AK3: variants seen among roughly 807,000 people sequenced by gnomAD.
The protein encoded by AK3 is GTP:AMP phosphotransferase AK3, mitochondrial.
A neutral mutation model predicts 23.7 loss-of-function variants in AK3; 27 were observed. That is an observed-to-expected ratio of 1.14 (90% CI 0.84 to 1.57). The LOEUF (loss-of-function observed/expected upper bound fraction) is 1.57. AK3 is among the 40% of genes most tolerant of loss of function. The pLI is 0.00. For synonymous variants in AK3, 159 were observed against 116.0 expected (o/e 1.37, Z -2.38); for missense variants, 406 against 285.6 (o/e 1.42, Z -3.04).
Position 4,711,374 on chromosome 9 carries a change from C to T in AK3, c.*1602G>A, listed in dbSNP as rs2130863312. ...GTATTTCACAACATTTTTTAGAAAG[C>T]ACATAAGATTAACATTCAAATAAGG... On this transcript the variant is annotated 3_prime_UTR_variant, in exon 5 of 5. Coordinates refer to ENST00000381809, the MANE Select transcript of AK3 (RefSeq NM_016282.4). The T allele has an allele frequency of 6.6e-6, 1 of 152,644 alleles. No homozygotes were observed. The highest frequency in any genetic ancestry group is 1.9e-4 in the East Asian group (1 of 5,190). 9.5% of individuals were successfully genotyped at this position (152,644 alleles called of 1,614,324 possible).
rs149315983 is a variant in AK3, at chr9:4,731,187, G to A, written c.152-8562C>T. ...GTTACATGGGTGAACTTGTGTCATG[G>A]GGGTTTGTTGTACAGATTATTTCAT... On this transcript the variant is annotated intron_variant, in intron 1 of 4. Transcript: ENST00000381809. 3.4e-3 allele frequency among the ~76,000 whole-genome samples: 522 copies of A among 152,232 alleles called. 4 individuals are homozygous for A. Among genetic ancestry groups the A allele is most frequent in the African/African-American group, 0.012 (500 of 41,530 alleles).
chr9:4,722,699 C>T (rs899704484), intron 1 of AK3, 74 bp from the exon 2 acceptor site: 3 of 1,590,472 alleles, frequency 1.9e-6, no homozygotes, highest in African/African-American at 1.3e-5. Flanking sequence ...GAACGAGTTG[C>T]CTAAAGGGGA....
At chr9:4,723,635 T>A (rs1841955770) in intron 1 of AK3, among the ~76,000 whole-genome samples, 1 of 152,238 alleles carries the variant, frequency 6.6e-6, no homozygotes, top group Non-Finnish European at 1.5e-5. Flanking sequence ...AATTTTATGT[T>A]CTTTTTGTCA....
chr9:4,741,360 GCGCCCC>G, upstream of AK3: 1 of 299,912 alleles, frequency 3.3e-6, no homozygotes. Context: ...CGCGCAAGCC[GCGCCCC>G]CTCTGCGCTC....
At chr9:4,726,704 G>T (rs557194576) in intron 1 of AK3, among the ~76,000 whole-genome samples, 1 of 151,308 alleles carries the variant, frequency 6.6e-6, no homozygotes, top group South Asian at 2.1e-4. Context: ...TGTTAATGTT[G>T]ACACTTTGAC....
chr9:4,734,505 G>A lies in AK3; in HGVS notation c.151+6432C>T, dbSNP rs1280715902. Among the ~76,000 whole-genome samples, 20 of 152,272 alleles carry A rather than the reference G, an allele frequency of 1.3e-4. No homozygotes were observed. The East Asian group carries it at 3.1e-3, about 24-fold the overall frequency. On this transcript the variant is annotated intron_variant, in intron 1 of 4. Coordinates refer to ENST00000381809, the MANE Select transcript of AK3 (RefSeq NM_016282.4). ...CCACGGATAGTTGCCTGAATGAATG[G>A]TTAGATGGACAGATGGATGAAGAGA...
chr9:4,738,172 T>C (rs1240139326), intron 1 of AK3, among the ~76,000 whole-genome samples: 2 of 152,204 alleles, frequency 1.3e-5, no homozygotes, highest in East Asian at 1.9e-4. Context: ...AAATTAAACA[T>C]CTTTTTTTTT....
chr9:4,729,741 C>T (rs755258172), intron 1 of AK3, among the ~76,000 whole-genome samples: 9 of 151,056 alleles, frequency 6.0e-5, no homozygotes, highest in Non-Finnish European at 1.3e-4. Flanking sequence ...GTGGGAGTAT[C>T]ACTTGGGTGC....
intron 3 of AK3, among the ~76,000 whole-genome samples, chr9:4,718,778 C>T (rs981032906): frequency 6.6e-6 from 1 of 152,138 alleles, no homozygotes; most frequent in Admixed American, 6.5e-5. Context: ...TTCTAAGCAG[C>T]CTCTAAGTAA....
chr9:4,719,380 AAAG>A (rs1841832661), intron 2 of AK3, 73 bp from the exon 3 acceptor site: 1 of 1,091,562 alleles, frequency 9.2e-7, no homozygotes, highest in Non-Finnish European at 1.3e-6. Flanking sequence ...GCGGGTGGAG[AAAG>A]AAGAAAGAAA....
chr9:4,722,727 C>T (rs1841933593), intron 1 of AK3, 102 bp from the exon 2 acceptor site: 2 of 1,507,174 alleles, frequency 1.3e-6, no homozygotes, highest in African/African-American at 1.4e-5. Context: ...ATGGCATACT[C>T]ATCTGAAAAT....
At chr9:4,714,071 T>TCCACATATACAGCG in intron 4 of AK3, among the ~76,000 whole-genome samples, 1 of 97,072 alleles carries the variant, frequency 1.0e-5, no homozygotes, top group Admixed American at 1.1e-4. Context: ...TATACACACC[T>TCCACATATACAGCG]ACACATATAC....
chr9:4,716,152 A>G (rs185352173), intron 4 of AK3, among the ~76,000 whole-genome samples: 129 of 152,300 alleles, frequency 8.5e-4, no homozygotes, highest in East Asian at 7.7e-4. Context: ...TTTCAGTTAC[A>G]TTACCAATAA....
intron 4 of AK3, among the ~76,000 whole-genome samples, chr9:4,716,663 G>A (rs1374063609): frequency 2.0e-5 from 3 of 152,202 alleles, no homozygotes; most frequent in Non-Finnish European, 4.4e-5. Flanking sequence ...AGGCATGGTG[G>A]CTCGTACCTG....
In AK3 at chr9:4,719,134, CCA is replaced by C. The variant is rs747528777; in HGVS notation, c.443_444del (p.Val148GlyfsTer3). 1.9e-6 allele frequency: 3 copies of C among 1,611,694 alleles called. No individual in the cohort carries two copies. In the African/African-American group the frequency reaches 4.0e-5, roughly 22 times the overall value. On this transcript the variant is annotated frameshift_variant and splice_region_variant, in exon 3 of 5. Transcript: ENST00000381809. LOFTEE classifies it high-confidence loss of function. ...YNIEFNPPKT[V>X]GIDDLTGEPL... ...GTGACAGTTCCACAACAACTACTCA[CCA>C]CAGTTTTGGGAGGGTTGAATTCAAT...
At chr9:4,736,185 G>A (rs1842289474) in intron 1 of AK3, among the ~76,000 whole-genome samples, 1 of 150,908 alleles carries the variant, frequency 6.6e-6, no homozygotes, top group Non-Finnish European at 1.5e-5. Flanking sequence ...AAAGTCCACT[G>A]AGTTTTATAC....
At chr9:4,728,566 GTC>G (rs1384080342) in intron 1 of AK3, among the ~76,000 whole-genome samples, 3 of 152,152 alleles carry the variant, frequency 2.0e-5, no homozygotes, top group Non-Finnish European at 2.9e-5. Flanking sequence ...GTGAAACTGT[GTC>G]TCAAACAAAA....
intron 1 of AK3, among the ~76,000 whole-genome samples, chr9:4,739,955 C>A (rs1384993075): frequency 3.3e-5 from 5 of 149,968 alleles, no homozygotes; most frequent in Non-Finnish European, 5.9e-5. Flanking sequence ...GTAAACCTTT[C>A]TAGAAGGAAA....
chr9:4,726,599 G>T (rs566037462), intron 1 of AK3, among the ~76,000 whole-genome samples: 1 of 152,158 alleles, frequency 6.6e-6, no homozygotes, highest in South Asian at 2.1e-4. Context: ...TAGTTCTCTT[G>T]CTATTTCCAC....
Sources: allele counts gnomAD v4.1 joint callset (sites outside exome capture counted in the v4.1 genomes callset), GRCh38; gene constraint gnomAD v4.1.1; transcripts MANE v1.5; gene names NCBI Gene and HGNC (gene_info 2026-07-23, HGNC 2026-07-21).